The following MB variants were observed in gnomAD, a reference collection of about 807,000 sequenced individuals.
MB encodes nitrite reductase MB.
Under a neutral mutation model 14.5 loss-of-function variants are expected in MB, and 10 were observed. That is an observed-to-expected ratio of 0.69 (90% CI 0.43 to 1.17). MB has a LOEUF of 1.17. MB is among the 50% of genes most tolerant of loss of function. The probability of loss-of-function intolerance (pLI) is 0.00; values close to 1 mark genes in which losing one functional copy is unlikely to be tolerated. For missense variants in MB, 169 were observed against 192.7 expected (o/e 0.88, Z 0.73); for synonymous variants, 89 against 78.6 (o/e 1.13, Z -0.70).
Position 35,611,035 on chromosome 22 carries a change from A to G in MB, c.167T>C (p.Met56Thr), listed in dbSNP as rs1197042695. 1.1e-5 allele frequency: 18 copies of G among 1,613,986 alleles called. No homozygotes were observed. The highest frequency in any genetic ancestry group is 2.2e-5 in the South Asian group (2 of 91,078). Residue 56 changes from methionine to threonine, a missense_variant, in exon 2 of 3, where the codon ATG becomes ACG. Coordinates refer to ENST00000397326, the MANE Select transcript of MB (RefSeq NM_005368.3). ...CTTCTTTAAGTCCTCAGACGCCTTC[A>G]TCTCGTCCTCTGACTTCAGGTGCTT... Reference protein sequence around the residue: ...KFKHLKSEDEMKASEDLKKHG... With the variant: ...KFKHLKSEDETKASEDLKKHG...
upstream of MB, among the ~76,000 whole-genome samples, chr22:35,619,878 T>C (rs368102138): frequency 2.0e-5 from 3 of 152,044 alleles, no homozygotes; most frequent in South Asian, 4.1e-4. Context: ...GTGTACTGAG[T>C]CGGCTGACTC....
chr22:35,610,986 G>C lies in MB; in HGVS notation c.216C>G (p.Ala72=). The change falls in exon 2 of 3, where the codon GCC becomes GCG. Residue 72 remains alanine (A), a synonymous_variant. Transcript: ENST00000397326. The part of the protein sequence containing the change: ...LKKHGATVLT[A]LGGILKKKGH... ...CCTTCTTCTTAAGGATGCCACCCAG[G>C]GCGGTGAGCACGGTGGCACCATGCT... The C allele has an allele frequency of 6.2e-7, 1 of 1,614,092 alleles. No homozygotes were observed. Among genetic ancestry groups the C allele is most frequent in the Non-Finnish European group, 8.5e-7 (1 of 1,179,934 alleles).
intron 1 of MB, among the ~76,000 whole-genome samples, chr22:35,612,623 T>G (rs1032329794): frequency 1.3e-5 from 2 of 152,090 alleles, no homozygotes; most frequent in Non-Finnish European, 2.9e-5. Context: ...TTAACTGATT[T>G]TAAAATCCTG....
rs1922556985 is a variant in MB, at chr22:35,610,875, T to TC, written c.318+8_318+9insG. ...CGCATCCTCCCACCTGCCCAGGCTC[T>TC]GCTCCTACCTCCAGGTACTTCACGG... On this transcript the variant is annotated intron_variant, in intron 2 of 2. Transcript: ENST00000397326. 1 of 1,296,860 alleles carries TC rather than the reference T, an allele frequency of 7.7e-7. No homozygotes were observed. Among genetic ancestry groups the TC allele is most frequent in the African/African-American group, 3.3e-5 (1 of 30,112 alleles). The allele number at this position is 1,296,860 out of a possible 1,614,324, so 80.3% of individuals were successfully genotyped here. A position where few individuals can be genotyped will look rare whatever the true frequency, so the allele number is the denominator to read the frequency against.
intron 1 of MB, among the ~76,000 whole-genome samples, chr22:35,615,412 T>C (rs1922994852): frequency 6.6e-6 from 1 of 152,148 alleles, no homozygotes; most frequent in Non-Finnish European, 1.5e-5. Context: ...CCCTAGGCAT[T>C]ATGTCTTATC....
In MB at chr22:35,607,033, A is replaced by T; in HGVS notation, c.*264T>A. ...CGGTTGGGATTTAGAAGAAAGGACAATTAATTCAGATCCAAACCATGCAGA... is the reference window on the plus strand; with the variant it reads ...CGGTTGGGATTTAGAAGAAAGGACATTTAATTCAGATCCAAACCATGCAGA... On this transcript the variant is annotated 3_prime_UTR_variant, in exon 3 of 3. Transcript: ENST00000397326. 1 of 369,572 alleles carries T rather than the reference A, an allele frequency of 2.7e-6. No homozygotes were observed. The highest frequency in any genetic ancestry group is 4.9e-6 in the Non-Finnish European group (1 of 205,738). The allele number at this position is 369,572 out of a possible 1,614,324, so 22.9% of individuals were successfully genotyped here.
chr22:35,610,791 A>G (rs1264383669), intron 2 of MB, 93 bp downstream of exon 2: 11 of 968,034 alleles, frequency 1.1e-5, no homozygotes, highest in Non-Finnish European at 1.7e-5. Context: ...TCATCCCACA[A>G]GTTAGTGGCT....
At position 35,606,955 on chromosome 22, in the gene MB, T is replaced by C. The variant is rs1228521469; in HGVS notation, c.*342A>G. The C allele has an allele frequency of 4.8e-6, 1 of 208,702 alleles. No individual in the cohort carries two copies. The highest frequency in any genetic ancestry group is 5.5e-5 in the Admixed American group (1 of 18,098). 12.9% of individuals were successfully genotyped at this position (208,702 alleles called of 1,614,324 possible). A position where few individuals can be genotyped will look rare whatever the true frequency, so the allele number is the denominator to read the frequency against. ...ATCAGACAATTGCTACTGTCAGGTGTAGTTAATGGCTTGGATTTGGGGTTA... is the reference window on the plus strand; with the variant it reads ...ATCAGACAATTGCTACTGTCAGGTGCAGTTAATGGCTTGGATTTGGGGTTA... On this transcript the variant is annotated 3_prime_UTR_variant, in exon 3 of 3. Coordinates refer to ENST00000397326, the MANE Select transcript of MB (RefSeq NM_005368.3).
At chr22:35,618,701 C>T (rs977090941), upstream of MB, among the ~76,000 whole-genome samples, 6 of 152,084 alleles carry the variant, frequency 3.9e-5, no homozygotes, top group Non-Finnish European at 7.4e-5. Flanking sequence ...ATCTATCCAT[C>T]CACCCATCCA....
At chr22:35,609,723 C>T (rs1231540551) in intron 2 of MB, among the ~76,000 whole-genome samples, 2 of 152,156 alleles carry the variant, frequency 1.3e-5, no homozygotes, top group Non-Finnish European at 2.9e-5. Flanking sequence ...GCAGAGACTG[C>T]TAATTACGTC....
chr22:35,607,289 G>A lies in MB; in HGVS notation c.*8C>T. ...GCCCAGATGGGTGGGGGTGGGAGCGGCAGGGGCCTAGCCCTGGAAGCCCAG... is the reference window on the plus strand; with the variant it reads ...GCCCAGATGGGTGGGGGTGGGAGCGACAGGGGCCTAGCCCTGGAAGCCCAG... On this transcript the variant is annotated 3_prime_UTR_variant, in exon 3 of 3. Transcript: ENST00000397326. 6.2e-7 allele frequency: 1 copy of A among 1,608,298 alleles called. No homozygotes were observed. Among genetic ancestry groups the A allele is most frequent in the Non-Finnish European group, 8.5e-7 (1 of 1,175,698 alleles).
At chr22:35,616,888 C>G (rs1923116156) in intron 1 of MB, among the ~76,000 whole-genome samples, 1 of 152,196 alleles carries the variant, frequency 6.6e-6, no homozygotes, top group Non-Finnish European at 1.5e-5. Context: ...CTCTGACTGT[C>G]TATAATTCTA....
Position 35,610,998 on chromosome 22 carries a change from G to C in MB, c.204C>G (p.Thr68=). ...GGATGCCACCCAGGGCGGTGAGCAC[G>C]GTGGCACCATGCTTCTTTAAGTCCT... ...ASEDLKKHGA[T]VLTALGGILK... The change falls in exon 2 of 3, where the codon ACC becomes ACG. Residue 68 remains threonine (T), a synonymous_variant. Transcript: ENST00000397326. The C allele has an allele frequency of 6.2e-7, 1 of 1,613,870 alleles. No homozygotes were observed. The highest frequency in any genetic ancestry group is 8.5e-7 in the Non-Finnish European group (1 of 1,179,914).
Position 35,617,283 on chromosome 22 carries a change from A to G in MB, c.-26T>C. The G allele has an allele frequency of 6.3e-7, 1 of 1,588,998 alleles. No homozygotes were observed. Among genetic ancestry groups the G allele is most frequent in the Non-Finnish European group, 8.6e-7 (1 of 1,157,104 alleles). On this transcript the variant is annotated 5_prime_UTR_variant, in exon 1 of 3. Transcript: ENST00000397326. ...GGCGCAGTCTGAAGAAGACAAAAAG[A>G]GCAAGTATGGGCTCACTGGGTGTCC...
upstream of MB, chr22:35,622,030 C>G (rs1923498440): frequency 6.6e-6 from 1 of 152,314 alleles, no homozygotes; most frequent in African/African-American, 2.4e-5. Flanking sequence ...GTCAGAAAAT[C>G]CAATCTAGGT....
At chr22:35,616,930 G>A in intron 1 of MB, 2 of 530,844 alleles carry the variant, frequency 3.8e-6, no homozygotes, top group Admixed American at 3.4e-5. Flanking sequence ...GAGCATCCTA[G>A]GTTTGATTCT....
At chr22:35,620,271 T>C (rs1601848538), upstream of MB, among the ~76,000 whole-genome samples, 3 of 152,026 alleles carry the variant, frequency 2.0e-5, no homozygotes, top group Admixed American at 1.3e-4. Context: ...GAGGCAGAGG[T>C]TGCAGTGAGC....
At chr22:35,620,900 C>T (rs536478494), upstream of MB, among the ~76,000 whole-genome samples, 57 of 152,346 alleles carry the variant, frequency 3.7e-4, no homozygotes, top group African/African-American at 7.2e-4. Context: ...AGCTATCACC[C>T]GCTTGGCAAG....
upstream of MB, among the ~76,000 whole-genome samples, chr22:35,620,991 T>C (rs576413797): frequency 1.3e-5 from 2 of 152,340 alleles, no homozygotes; most frequent in South Asian, 2.1e-4. Context: ...TTTAAGCTAA[T>C]GGGAAGGCAC....
Sources: allele counts gnomAD v4.1 joint callset (sites outside exome capture counted in the v4.1 genomes callset), GRCh38; gene constraint gnomAD v4.1.1; transcripts MANE v1.5; gene names NCBI Gene and HGNC (gene_info 2026-07-23, HGNC 2026-07-21).